RIC3: variants seen among roughly 807,000 people sequenced by gnomAD.
RIC3 encodes the protein RIC3 acetylcholine receptor chaperone.
RIC3 carries 28 observed loss-of-function variants against 27.3 expected under a neutral mutation model. The observed-to-expected ratio is 1.02, with a 90% CI of 0.76 to 1.41. RIC3 has a LOEUF of 1.41. Among genes scored for constraint, RIC3 ranks in the 40% most tolerant of loss-of-function variants. The pLI is 0.00. For missense variants in RIC3, 501 were observed against 444.7 expected, an observed-to-expected ratio of 1.13 and a Z score of -1.14; for synonymous variants, 184 against 160.4, an observed-to-expected ratio of 1.15 and a Z score of -1.11.
rs1391389797 is a variant in RIC3 at position 8,142,510 on chromosome 11, G to A, written c.125-2317C>T. ...TGAATCTCTGAATAGACCAGTAACA[G>A]GAGCTGAAATTGTGGCAATAATCAA... On this transcript the variant is annotated intron_variant, in intron 1 of 5. Transcript: ENST00000309737. 2.4e-3 allele frequency among the ~76,000 whole-genome samples: 364 copies of A among 149,474 alleles called. 3 individuals carry two copies. Among genetic ancestry groups the A allele is most frequent in the Non-Finnish European group, 4.3e-3 (290 of 67,322 alleles).
intron 5 of RIC3, among the ~76,000 whole-genome samples, chr11:8,119,331 T>C (rs1309544535): frequency 1.3e-5 from 2 of 152,214 alleles, no homozygotes; most frequent in East Asian, 3.8e-4. Flanking sequence ...AGCATGGTAC[T>C]GGTACCAAAA....
At chr11:8,098,893 G>A in the RIC3 span, 7 of 1,570,296 alleles carry the variant, frequency 4.5e-6, no homozygotes, top group Admixed American at 1.7e-5. Flanking sequence ...CTAGGTTCGG[G>A]GGTCTCTGAT....
rs1945118165 is a variant in RIC3 at position 8,110,514 on chromosome 11, C to T, written c.*184G>A. The T allele has an allele frequency of 1.8e-5, 12 of 684,580 alleles. No homozygotes were observed. Among genetic ancestry groups the T allele is most frequent in the Non-Finnish European group, 7.9e-6 (3 of 378,066 alleles). 42.4% of individuals were successfully genotyped at this position (684,580 alleles called of 1,614,324 possible). A position where few individuals can be genotyped will look rare whatever the true frequency, so the allele number is the denominator to read the frequency against. The stretch of plus-strand genomic sequence containing the variant: ...GCTGTCCTGTGTTCACACTAATGTC[C>T]GTGTTTTACAAGGTGACAGGTGTGT... On this transcript the variant is annotated 3_prime_UTR_variant, in exon 6 of 6. Transcript: ENST00000309737.
intron 4 of RIC3, among the ~76,000 whole-genome samples, chr11:8,129,050 G>A (rs890396384): frequency 3.3e-5 from 5 of 151,840 alleles, no homozygotes; most frequent in Non-Finnish European, 2.9e-5. Flanking sequence ...CACAGCGCCC[G>A]GCCAAAAACT....
chr11:8,141,031 G>A (rs1204932634), intron 1 of RIC3, among the ~76,000 whole-genome samples: 1 of 148,858 alleles, frequency 6.7e-6, no homozygotes. Flanking sequence ...CCTGAAGGAA[G>A]CGCTAAACAT....
intron 1 of RIC3, among the ~76,000 whole-genome samples, chr11:8,148,311 G>C (rs895810840): frequency 3.9e-5 from 6 of 152,274 alleles, no homozygotes; most frequent in Admixed American, 2.0e-4. Context: ...TGGTGACTAT[G>C]CCCCTTTTAA....
At chr11:8,104,530 G>A (rs895074880), downstream of RIC3, 3 of 152,160 alleles carry the variant, frequency 2.0e-5, no homozygotes, top group African/African-American at 7.2e-5. Context: ...TGAATGAGTA[G>A]GAAAGGAATA....
intron 1 of RIC3, among the ~76,000 whole-genome samples, chr11:8,148,854 A>G (rs1013178770): frequency 5.9e-5 from 9 of 151,934 alleles, no homozygotes; most frequent in African/African-American, 2.2e-4. Context: ...TAAATATTCA[A>G]GTTTTGAAAA....
At chr11:8,152,651 TTGAC>T (rs1950340104) in intron 1 of RIC3, among the ~76,000 whole-genome samples, 1 of 152,274 alleles carries the variant, frequency 6.6e-6, no homozygotes, top group East Asian at 1.9e-4. Context: ...AGTTCTAAAA[TTGAC>T]TGTAGTGATA....
chr11:8,116,365 G>A (rs1446130738), intron 5 of RIC3, among the ~76,000 whole-genome samples: 4 of 152,132 alleles, frequency 2.6e-5, no homozygotes, highest in Admixed American at 6.5e-5. Context: ...CCATGACATT[G>A]GTCTGGACAA....
Position 8,168,935 on chromosome 11 carries a change from G to A in RIC3, c.55C>T (p.Leu19=). Residue 19 remains leucine (L), a synonymous_variant, in exon 1 of 6, where the codon CTG becomes TTG. Coordinates refer to ENST00000309737, the MANE Select transcript of RIC3 (RefSeq NM_001206671.4). ...VALASGLVLA[L]SLLLPKAFLS... ...AAGGCCTTGGGCAGCAGCAGCGACA[G>A]AGCCAGGACAAGCCCAGAAGCCAGA... 1.2e-6 allele frequency: 2 copies of A among 1,611,216 alleles called. No individual in the cohort carries two copies. Among genetic ancestry groups the A allele is most frequent in the Non-Finnish European group, 1.7e-6 (2 of 1,178,728 alleles).
chr11:8,166,221 G>A (rs1951683030), intron 1 of RIC3, among the ~76,000 whole-genome samples: 2 of 152,134 alleles, frequency 1.3e-5, no homozygotes, highest in Admixed American at 1.3e-4. Context: ...GCATTTATCT[G>A]TTGACATGTC....
intron 4 of RIC3, chr11:8,135,601 C>A (rs1948303265): frequency 6.6e-6 from 1 of 152,110 alleles, no homozygotes. Context: ...GATATTGATT[C>A]TTCCTATCCA....
the RIC3 span, chr11:8,097,434 G>A: frequency 2.5e-6 from 4 of 1,614,218 alleles, no homozygotes; most frequent in Non-Finnish European, 3.4e-6. Flanking sequence ...AGGTAAGGTT[G>A]GTCTGGGCAT....
intron 1 of RIC3, among the ~76,000 whole-genome samples, chr11:8,141,410 A>G (rs895646773): frequency 1.3e-5 from 2 of 152,244 alleles, no homozygotes; most frequent in Non-Finnish European, 2.9e-5. Context: ...CTTTAAACCA[A>G]CAAGATCAAA....
At chr11:8,115,028 A>C (rs1945694141) in intron 5 of RIC3, among the ~76,000 whole-genome samples, 1 of 152,104 alleles carries the variant, frequency 6.6e-6, no homozygotes, top group South Asian at 2.1e-4. Context: ...TAGAAAGCTT[A>C]AAGAAATAAT....
At chr11:8,123,531 A>T (rs1202714466) in intron 5 of RIC3, among the ~76,000 whole-genome samples, 1 of 152,214 alleles carries the variant, frequency 6.6e-6, no homozygotes, top group East Asian at 1.9e-4. Context: ...GATCAAGAAT[A>T]GAAGAGGGTG....
At chr11:8,162,838 G>T (rs759902782) in intron 1 of RIC3, among the ~76,000 whole-genome samples, 1 of 151,522 alleles carries the variant, frequency 6.6e-6, no homozygotes, top group Non-Finnish European at 1.5e-5. Flanking sequence ...TAGAGACGGG[G>T]TTTCTCCGTG....
intron 2 of RIC3, chr11:8,138,679 A>C (rs765112560): frequency 3.6e-6 from 1 of 278,422 alleles, no homozygotes; most frequent in South Asian, 6.8e-5. Context: ...GCTAGCCATA[A>C]TAAAGAAATC....
Sources: allele counts gnomAD v4.1 joint callset (sites outside exome capture counted in the v4.1 genomes callset), GRCh38; gene constraint gnomAD v4.1.1; transcripts MANE v1.5; gene names NCBI Gene and HGNC (gene_info 2026-07-23, HGNC 2026-07-21).